CDKAL1: variants seen among roughly 807,000 people sequenced by gnomAD.
The protein encoded by CDKAL1 is CDKAL1 threonylcarbamoyladenosine tRNA methylthiotransferase.
In CDKAL1, 32 loss-of-function variants were observed where a neutral mutation model predicts 68.2. That is an observed-to-expected ratio of 0.47 (90% CI 0.35 to 0.63). The LOEUF is 0.63. CDKAL1 is among the 30% of genes least tolerant of loss of function. The probability of loss-of-function intolerance (pLI) is 0.00; values close to 1 mark genes in which losing one functional copy is unlikely to be tolerated. For synonymous variants in CDKAL1, 234 were observed against 244.3 expected (o/e 0.96, Z 0.39); for missense variants, 606 against 696.7 (o/e 0.87, Z 1.47).
At chr6:20,959,602 C>G (rs1032253082) in intron 10 of CDKAL1, among the ~76,000 whole-genome samples, 1 of 148,400 alleles carries the variant, frequency 6.7e-6, no homozygotes, top group Non-Finnish European at 1.5e-5. Flanking sequence ...ACCTTTTTCT[C>G]ATGATATACT....
At chr6:20,720,348 CAG>C (rs142808120) in intron 5 of CDKAL1, among the ~76,000 whole-genome samples, 4,132 of 152,126 alleles carry the variant, frequency 0.027, 189 homozygotes, top group African/African-American at 0.09. Flanking sequence ...GTAAACAAGT[CAG>C]AGTGTTTAGG....
intron 5 of CDKAL1, among the ~76,000 whole-genome samples, chr6:20,688,947 C>A (rs1770752414): frequency 6.6e-6 from 1 of 152,178 alleles, no homozygotes; most frequent in Admixed American, 6.5e-5. Context: ...TTTAGTAAGC[C>A]TGTGCTTACT....
At chr6:21,090,914 C>T (rs556862185) in intron 12 of CDKAL1, among the ~76,000 whole-genome samples, 2 of 151,220 alleles carry the variant, frequency 1.3e-5, no homozygotes, top group Non-Finnish European at 2.9e-5. Context: ...ACACGATCCT[C>T]CTGCCTCAGC....
At chr6:20,957,292 A>G (rs901145043) in intron 10 of CDKAL1, among the ~76,000 whole-genome samples, 1 of 152,220 alleles carries the variant, frequency 6.6e-6, no homozygotes, top group Admixed American at 6.5e-5. Flanking sequence ...GCTCTGAGGT[A>G]ACTAACCAAA....
intron 13 of CDKAL1, among the ~76,000 whole-genome samples, chr6:21,162,429 G>C (rs1053234414): frequency 1.3e-5 from 2 of 152,166 alleles, no homozygotes; most frequent in Non-Finnish European, 2.9e-5. Context: ...TGGAAAACAG[G>C]TAAATGGGGC....
chr6:21,138,644 C>G (rs781124484), intron 13 of CDKAL1, among the ~76,000 whole-genome samples: 1 of 152,080 alleles, frequency 6.6e-6, no homozygotes. Flanking sequence ...TCCCTTTCTT[C>G]TAAATAATTT....
intron 6 of CDKAL1, among the ~76,000 whole-genome samples, chr6:20,741,789 G>C (rs1773471220): frequency 6.6e-6 from 1 of 152,008 alleles, no homozygotes; most frequent in South Asian, 2.1e-4. Flanking sequence ...ATGTGTTTTT[G>C]TGGTAGAATG....
chr6:20,964,850 C>T (rs1230062508), intron 10 of CDKAL1, among the ~76,000 whole-genome samples: 1 of 152,090 alleles, frequency 6.6e-6, no homozygotes, highest in African/African-American at 2.4e-5. Context: ...ATCATTTTTT[C>T]CCTCTTGCCA....
chr6:21,205,777 C>T (rs1240412192), intron 15 of CDKAL1, among the ~76,000 whole-genome samples: 24 of 150,166 alleles, frequency 1.6e-4, no homozygotes, highest in Admixed American at 7.3e-4. Flanking sequence ...GTGATCTGCC[C>T]GCCTTGGCCT....
intron 5 of CDKAL1, among the ~76,000 whole-genome samples, chr6:20,691,038 G>A (rs1408865370): frequency 6.6e-6 from 1 of 152,128 alleles, no homozygotes; most frequent in Non-Finnish European, 1.5e-5. Context: ...AGAAAAGCAG[G>A]TATTATTACA....
chr6:20,870,397 C>G (rs941169323), intron 9 of CDKAL1, among the ~76,000 whole-genome samples: 1 of 152,160 alleles, frequency 6.6e-6, no homozygotes, highest in Non-Finnish European at 1.5e-5. Flanking sequence ...CAAAATGTAT[C>G]TTATTTTTCT....
chr6:20,584,046 C>CTTTT (rs56742923), intron 4 of CDKAL1, among the ~76,000 whole-genome samples: 1 of 140,618 alleles, frequency 7.1e-6, no homozygotes, highest in Non-Finnish European at 1.5e-5. Flanking sequence ...TGCTGGTTTC[C>CTTTT]TTTTTTTTTT....
At chr6:21,154,814 C>A (rs1473446005) in intron 13 of CDKAL1, among the ~76,000 whole-genome samples, 1 of 151,968 alleles carries the variant, frequency 6.6e-6, no homozygotes, top group African/African-American at 2.4e-5. Flanking sequence ...ATGATGAAAC[C>A]CTGCCTCTAC....
chr6:20,957,823 T>A (rs1407065169), intron 10 of CDKAL1, among the ~76,000 whole-genome samples: 1 of 151,822 alleles, frequency 6.6e-6, no homozygotes, highest in Non-Finnish European at 1.5e-5. Flanking sequence ...ACACAGAAAT[T>A]AGCTGGGTGG....
chr6:20,636,973 G>A (rs1234108942), intron 4 of CDKAL1, among the ~76,000 whole-genome samples: 1 of 149,152 alleles, frequency 6.7e-6, no homozygotes, highest in East Asian at 2.0e-4. Flanking sequence ...GGAAGCAGAA[G>A]TTGCAGTGAG....
At chr6:20,662,957 G>A (rs1294786261) in intron 5 of CDKAL1, among the ~76,000 whole-genome samples, 1 of 152,110 alleles carries the variant, frequency 6.6e-6, no homozygotes, top group Non-Finnish European at 1.5e-5. Flanking sequence ...GGAAATTGCT[G>A]GCTTTGCTTT....
At chr6:20,570,819 CG>C (rs1198952114) in intron 4 of CDKAL1, among the ~76,000 whole-genome samples, 11 of 152,024 alleles carry the variant, frequency 7.2e-5, no homozygotes, top group African/African-American at 2.4e-4. Context: ...CCAAAAGTGC[CG>C]TATTGATCAT....
chr6:20,690,051 T>C (rs997276184), intron 5 of CDKAL1, among the ~76,000 whole-genome samples: 7 of 152,216 alleles, frequency 4.6e-5, no homozygotes, highest in African/African-American at 1.7e-4. Context: ...TGTATCTCCT[T>C]GTGTAATGGT....
At chr6:21,176,672 C>T (rs1777583231) in intron 13 of CDKAL1, among the ~76,000 whole-genome samples, 3 of 141,068 alleles carry the variant, frequency 2.1e-5, no homozygotes, top group Non-Finnish European at 3.0e-5. Context: ...TCTTCATGGG[C>T]TGGATGTTGG....
Sources: allele counts gnomAD v4.1 joint callset (sites outside exome capture counted in the v4.1 genomes callset), GRCh38; gene constraint gnomAD v4.1.1; transcripts MANE v1.5; gene names NCBI Gene and HGNC (gene_info 2026-07-23, HGNC 2026-07-21).